TET3: variants seen among roughly 807,000 people sequenced by gnomAD.
TET3 encodes tet methylcytosine dioxygenase 3.
In TET3, 19 loss-of-function variants were observed where a neutral mutation model predicts 141.4. The ratio of observed to expected loss-of-function variants is 0.13; its 90% CI spans 0.09 to 0.20. The LOEUF is 0.20. Among genes scored for constraint, TET3 ranks in the 10% least tolerant of loss-of-function variants. The pLI, the probability that TET3 is intolerant of heterozygous loss-of-function variation, is 1.00. For missense variants in TET3, 1,874 were observed against 2,356.9 expected (o/e 0.80, Z 4.24); for synonymous variants, 1,043 against 980.9 (o/e 1.06, Z -1.18).
At chr2:74,026,657 T>G (rs543883430) in intron 3 of TET3, among the ~76,000 whole-genome samples, 123 of 152,372 alleles carry the variant, frequency 8.1e-4, no homozygotes, top group African/African-American at 2.8e-3. Context: ...TCATGCTTAT[T>G]GCATATTATG....
At chr2:74,058,729 C>T (rs1015923067) in intron 4 of TET3, among the ~76,000 whole-genome samples, 19 of 151,904 alleles carry the variant, frequency 1.3e-4, no homozygotes, top group African/African-American at 4.6e-4. Context: ...AGAATTTTAC[C>T]AGCATCTCAG....
chr2:74,021,223 A>G (rs1686025734), intron 3 of TET3, among the ~76,000 whole-genome samples: 2 of 152,286 alleles, frequency 1.3e-5, no homozygotes, highest in Admixed American at 6.5e-5. Context: ...CCACAGCTGC[A>G]TCTCTGCCAG....
At chr2:74,078,251 CAA>C (rs1428632904) in intron 5 of TET3, among the ~76,000 whole-genome samples, 16 of 151,900 alleles carry the variant, frequency 1.1e-4, no homozygotes, top group Admixed American at 7.9e-4. Flanking sequence ...AAAAATGAAA[CAA>C]AGGCTTTAAA....
At chr2:74,069,655 T>C (rs1303719908) in intron 4 of TET3, among the ~76,000 whole-genome samples, 1 of 151,892 alleles carries the variant, frequency 6.6e-6, no homozygotes, top group Non-Finnish European at 1.5e-5. Flanking sequence ...GGTGCAATCA[T>C]AGCTCACTGC....
At chr2:74,001,664 C>G (rs1274788201) in intron 2 of TET3, among the ~76,000 whole-genome samples, 1 of 152,100 alleles carries the variant, frequency 6.6e-6, no homozygotes, top group Admixed American at 6.6e-5. Context: ...CTGGGTGGCC[C>G]AGGAAGTAAA....
the TET3 span, among the ~76,000 whole-genome samples, chr2:74,124,112 G>A: frequency 1.4e-5 from 2 of 146,864 alleles, no homozygotes; most frequent in Non-Finnish European, 3.0e-5. Flanking sequence ...GCAGCTGCCC[G>A]GTCCAGGAGG....
chr2:74,036,505 C>G (rs556977159), intron 3 of TET3, among the ~76,000 whole-genome samples: 1 of 152,084 alleles, frequency 6.6e-6, no homozygotes, highest in Non-Finnish European at 1.5e-5. Flanking sequence ...TTTTTTATGT[C>G]TTCTGTTGGC....
At chr2:74,110,964 G>A (rs1464118933), downstream of TET3, among the ~76,000 whole-genome samples, 4 of 152,148 alleles carry the variant, frequency 2.6e-5, no homozygotes, top group East Asian at 7.7e-4. Flanking sequence ...CCACATATCT[G>A]CAGGTGTAGA....
chr2:74,130,232 G>A, the TET3 span, among the ~76,000 whole-genome samples: 7 of 152,106 alleles, frequency 4.6e-5, no homozygotes, highest in Admixed American at 4.6e-4. Flanking sequence ...ACTCTCATCT[G>A]CCACCCTAAA....
intron 3 of TET3, among the ~76,000 whole-genome samples, chr2:74,043,323 T>A (rs542474860): frequency 6.6e-6 from 1 of 152,304 alleles, no homozygotes; most frequent in African/African-American, 2.4e-5. Flanking sequence ...AGCTGATATA[T>A]TCCATGGCCT....
At chr2:74,017,908 G>A (rs1685819197) in intron 3 of TET3, among the ~76,000 whole-genome samples, 2 of 144,744 alleles carry the variant, frequency 1.4e-5, no homozygotes, top group Admixed American at 1.4e-4. Context: ...TTTATTTTTT[G>A]TCTTTTTCTT....
chr2:74,100,089 T>C (rs1206268602), intron 11 of TET3, among the ~76,000 whole-genome samples: 3 of 152,114 alleles, frequency 2.0e-5, no homozygotes, highest in Non-Finnish European at 4.4e-5. Context: ...TCAGTACAAC[T>C]TCTGGAGTTC....
Position 74,016,986 on chromosome 2 carries a change from A to T in TET3, c.360+13820A>T, listed in dbSNP as rs147339321. 2.4e-4 allele frequency among the ~76,000 whole-genome samples: 37 copies of T among 152,216 alleles called. 2 individuals carry two copies. Among genetic ancestry groups the T allele is most frequent in the Admixed American group, 2.4e-3 (37 of 15,294 alleles). On this transcript the variant is annotated intron_variant, in intron 3 of 11. Coordinates refer to ENST00000409262, the MANE Select transcript of TET3 (RefSeq NM_001287491.2). The stretch of plus-strand genomic sequence containing the variant: ...ACATTCAAAATTTACTCTTCTAGCT[A>T]TTTGAAAATATACAATAAACCAAGC...
intron 4 of TET3, among the ~76,000 whole-genome samples, chr2:74,067,756 G>A (rs1688989128): frequency 6.6e-6 from 1 of 152,220 alleles, no homozygotes; most frequent in African/African-American, 2.4e-5. Context: ...GAGAGATCCA[G>A]AAAGGCACTG....
chr2:74,082,482 G>C (rs1456894002), intron 6 of TET3, among the ~76,000 whole-genome samples: 2 of 152,178 alleles, frequency 1.3e-5, no homozygotes, highest in Non-Finnish European at 2.9e-5. Flanking sequence ...CTGAGCCCTG[G>C]TGGGTGAACA....
intron 4 of TET3, among the ~76,000 whole-genome samples, chr2:74,061,478 C>A (rs1302692350): frequency 6.7e-6 from 1 of 149,226 alleles, no homozygotes; most frequent in African/African-American, 2.5e-5. Flanking sequence ...CTGACCCCCC[C>A]ACCTCCTTCC....
At chr2:74,013,680 C>T (rs916612418) in intron 3 of TET3, among the ~76,000 whole-genome samples, 5 of 151,908 alleles carry the variant, frequency 3.3e-5, no homozygotes, top group South Asian at 2.1e-4. Context: ...GGCGTGGTGG[C>T]GGGTGCTTGT....
chr2:74,074,142 T>G (rs1283761940), intron 5 of TET3, among the ~76,000 whole-genome samples: 2 of 152,234 alleles, frequency 1.3e-5, no homozygotes, highest in African/African-American at 4.8e-5. Context: ...GGTTGTCCCC[T>G]AAATCCTTTG....
At chr2:74,124,359 T>G in the TET3 span, among the ~76,000 whole-genome samples, 86,465 of 148,316 alleles carry the variant, frequency 0.58, 27,114 homozygotes, top group East Asian at 0.9. Context: ...GAGGTGAGGG[T>G]CGCCTCTGCC....
Sources: allele counts gnomAD v4.1 joint callset (sites outside exome capture counted in the v4.1 genomes callset), GRCh38; gene constraint gnomAD v4.1.1; transcripts MANE v1.5; gene names NCBI Gene and HGNC (gene_info 2026-07-23, HGNC 2026-07-21).